EXOC1L: variants seen among roughly 807,000 people sequenced by gnomAD.
The protein encoded by EXOC1L is exocyst complex component 1-like.
A neutral mutation model predicts 4.9 loss-of-function variants in EXOC1L; 10 were observed. The ratio of observed to expected loss-of-function variants is 2.02; its 90% CI spans 1.25 to 3.43. The LOEUF (loss-of-function observed/expected upper bound fraction) is 3.43. Among genes scored for constraint, EXOC1L ranks in the 30% most tolerant of loss-of-function variants. The pLI, the probability that EXOC1L is intolerant of heterozygous loss-of-function variation, is 0.00. For synonymous variants in EXOC1L, 41 were observed against 20.8 expected (o/e 1.97, Z -2.63); for missense variants, 114 against 59.4 (o/e 1.92, Z -3.02).
chr4:55,830,273 T>C (rs1719991997), intron 1 of EXOC1L, among the ~76,000 whole-genome samples: 1 of 152,186 alleles, frequency 6.6e-6, no homozygotes, highest in Non-Finnish European at 1.5e-5. Flanking sequence ...AGAGTCACTC[T>C]TAGAAGACAG....
At chr4:55,822,387 G>C (rs969308472) in intron 1 of EXOC1L, among the ~76,000 whole-genome samples, 2 of 152,110 alleles carry the variant, frequency 1.3e-5, no homozygotes, top group African/African-American at 2.4e-5. Flanking sequence ...TCCCACCTTA[G>C]GGTTTGCATG....
chr4:55,824,290 C>G (rs953012655), intron 1 of EXOC1L, among the ~76,000 whole-genome samples: 1 of 151,812 alleles, frequency 6.6e-6, no homozygotes, highest in Non-Finnish European at 1.5e-5. Flanking sequence ...CACACACACA[C>G]ACACACACAC....
chr4:55,821,577 T>C (rs77161143), intron 1 of EXOC1L, among the ~76,000 whole-genome samples: 1,727 of 152,290 alleles, frequency 0.011, 42 homozygotes, highest in African/African-American at 0.039. Flanking sequence ...CAATAATTTA[T>C]ATATCTAACT....
chr4:55,833,110 C>A (rs569602056), intron 2 of EXOC1L, among the ~76,000 whole-genome samples: 9 of 151,788 alleles, frequency 5.9e-5, no homozygotes, highest in Non-Finnish European at 1.3e-4. Flanking sequence ...TCATGTAACA[C>A]CTTTTTGACA....
Position 55,831,453 on chromosome 4 carries a change from G to T in EXOC1L, c.241G>T (p.Glu81Ter). Residue 81 changes from glutamate (E) to a stop codon, truncating the protein, a stop_gained, in exon 2 of 3, where the codon GAA becomes TAA. Transcript: ENST00000636125. LOFTEE classifies it high-confidence loss of function. ...LNDLQMIDGK[E>*]ADTDNPFFDL... ...CGATCTGCAGATGATTGATGGAAAA[G>T]AAGCAGATACTGTAAGTGTTACATT... 1.4e-6 allele frequency: 1 copy of T among 691,090 alleles called. No individual in the cohort carries two copies. Among genetic ancestry groups the T allele is most frequent in the East Asian group, 2.7e-5 (1 of 36,992 alleles). The allele number at this position is 691,090 out of a possible 1,614,324, so 42.8% of individuals were successfully genotyped here. A position where few individuals can be genotyped will look rare whatever the true frequency, so the allele number is the denominator to read the frequency against.
intron 2 of EXOC1L, among the ~76,000 whole-genome samples, chr4:55,833,438 C>T (rs1249863142): frequency 1.3e-5 from 2 of 151,480 alleles, no homozygotes. Context: ...AATAAGTTAC[C>T]TCTGTGATAA....
Position 55,826,652 on chromosome 4 carries a change from A to G in EXOC1L, c.122-4682A>G, listed in dbSNP as rs1248982784. 6.6e-5 allele frequency among the ~76,000 whole-genome samples: 10 copies of G among 152,262 alleles called. 1 individual carries two copies. The highest frequency in any genetic ancestry group is 6.5e-4 in the Admixed American group (10 of 15,288). On this transcript the variant is annotated intron_variant, in intron 1 of 2. Coordinates refer to ENST00000636125, the MANE Select transcript of EXOC1L (RefSeq NM_001351574.3). ...AACAACTCTCTAACATTTTGATTAT[A>G]TAAACACATTTCTGTTTTAAGACAA...
chr4:55,828,314 C>T (rs531793919), intron 1 of EXOC1L, among the ~76,000 whole-genome samples: 10 of 152,226 alleles, frequency 6.6e-5, no homozygotes, highest in African/African-American at 2.2e-4. Flanking sequence ...AGGAAATTCA[C>T]GATCTTCTTC....
At chr4:55,834,265 G>A (rs562470932) in intron 2 of EXOC1L, among the ~76,000 whole-genome samples, 1 of 151,974 alleles carries the variant, frequency 6.6e-6, no homozygotes, top group South Asian at 2.1e-4. Flanking sequence ...TTTGGAGACT[G>A]GTGCAACAGG....
In EXOC1L at chr4:55,837,393, G is replaced by A. The variant is rs955634669; in HGVS notation, c.*42G>A. The A allele has an allele frequency of 2.3e-6, 1 of 438,506 alleles. No homozygotes were observed. The highest frequency in any genetic ancestry group is 4.1e-5 in the Admixed American group (1 of 24,486). The allele number at this position is 438,506 out of a possible 1,614,324, so 27.2% of individuals were successfully genotyped here. On this transcript the variant is annotated 3_prime_UTR_variant, in exon 3 of 3. Transcript: ENST00000636125. Reference sequence around the variant, plus strand: ...CCTTCATCAGTGACCTATGAAAATGGTTTCCCAAGTAAATATTGATTGTCA... The same window carrying A: ...CCTTCATCAGTGACCTATGAAAATGATTTCCCAAGTAAATATTGATTGTCA...
At chr4:55,830,123 C>A (rs1267981632) in intron 1 of EXOC1L, among the ~76,000 whole-genome samples, 1 of 152,166 alleles carries the variant, frequency 6.6e-6, no homozygotes, top group Non-Finnish European at 1.5e-5. Flanking sequence ...TACTCCGATC[C>A]TTTCCCTTCT....
At chr4:55,830,147 G>A (rs1286467926) in intron 1 of EXOC1L, among the ~76,000 whole-genome samples, 1 of 152,014 alleles carries the variant, frequency 6.6e-6, no homozygotes, top group Non-Finnish European at 1.5e-5. Flanking sequence ...AACTCCTATT[G>A]AACATGTAGT....
intron 2 of EXOC1L, 72 bp downstream of exon 2, chr4:55,831,536 A>G (rs10027961): frequency 0.037 from 21,732 of 591,070 alleles, 653 homozygotes; most frequent in Admixed American, 0.11. Flanking sequence ...ATCCTGCTTC[A>G]TATATTCTTG....
At chr4:55,831,845 A>G (rs1313242252) in intron 2 of EXOC1L, among the ~76,000 whole-genome samples, 2 of 152,030 alleles carry the variant, frequency 1.3e-5, no homozygotes, top group Admixed American at 1.3e-4. Context: ...AAATTTTACC[A>G]TCAGCAAGCC....
chr4:55,829,621 A>G (rs1020902753), intron 1 of EXOC1L, among the ~76,000 whole-genome samples: 1 of 152,204 alleles, frequency 6.6e-6, no homozygotes, highest in African/African-American at 2.4e-5. Context: ...TGAACACCCG[A>G]CACAGTGCCT....
intron 1 of EXOC1L, among the ~76,000 whole-genome samples, chr4:55,826,270 T>C (rs1719882099): frequency 6.6e-6 from 1 of 152,140 alleles, no homozygotes; most frequent in African/African-American, 2.4e-5. Context: ...AAAACAATTG[T>C]AAAACAATAG....
intron 1 of EXOC1L, among the ~76,000 whole-genome samples, chr4:55,828,898 C>T (rs1305706186): frequency 6.6e-6 from 1 of 152,144 alleles, no homozygotes; most frequent in Admixed American, 6.6e-5. Flanking sequence ...AAAAAACTGG[C>T]CTTGGAAACC....
chr4:55,830,363 TTATAA>T (rs1012110864), intron 1 of EXOC1L, among the ~76,000 whole-genome samples: 28 of 152,252 alleles, frequency 1.8e-4, no homozygotes, highest in African/African-American at 5.8e-4. Flanking sequence ...TGCCACCTCT[TTATAA>T]TATGTTATTG....
At chr4:55,824,715 G>A (rs2110280912) in intron 1 of EXOC1L, among the ~76,000 whole-genome samples, 1 of 152,272 alleles carries the variant, frequency 6.6e-6, no homozygotes, top group African/African-American at 2.4e-5. Context: ...GTAATTGTAG[G>A]TGAAGGTTAC....
Sources: allele counts gnomAD v4.1 joint callset (sites outside exome capture counted in the v4.1 genomes callset), GRCh38; gene constraint gnomAD v4.1.1; transcripts MANE v1.5; gene names NCBI Gene and HGNC (gene_info 2026-07-23, HGNC 2026-07-21).